Variants in GADL1 observed in about 807,000 individuals in gnomAD.
GADL1 encodes acidic amino acid decarboxylase GADL1.
GADL1 carries 71 observed loss-of-function variants against 69.5 expected under a neutral mutation model. The ratio of observed to expected loss-of-function variants is 1.02; its 90% CI spans 0.84 to 1.25. The LOEUF (loss-of-function observed/expected upper bound fraction) is 1.25. Ranked by LOEUF, GADL1 falls within the 50% of genes most tolerant of loss-of-function variation. The pLI is 0.00. For missense variants in GADL1, 737 were observed against 631.8 expected (o/e 1.17, Z -1.79); for synonymous variants, 254 against 214.4 (o/e 1.18, Z -1.62).
intron 1 of GADL1, among the ~76,000 whole-genome samples, chr3:30,893,796 A>G (rs1208530974): frequency 6.6e-6 from 1 of 152,162 alleles, no homozygotes; most frequent in Non-Finnish European, 1.5e-5. Context: ...CAGCTGAGTT[A>G]CCTGACCTAC....
intron 14 of GADL1, among the ~76,000 whole-genome samples, chr3:30,772,866 ACT>A (rs1036505603): frequency 7.9e-5 from 12 of 152,124 alleles, no homozygotes; most frequent in African/African-American, 1.4e-4. Flanking sequence ...ACAGAGTGAG[ACT>A]CTGTCTTAAC....
chr3:30,833,521 T>C (rs1188279900), intron 11 of GADL1, among the ~76,000 whole-genome samples: 1 of 151,998 alleles, frequency 6.6e-6, no homozygotes, highest in Non-Finnish European at 1.5e-5. Flanking sequence ...ATAACTTAAA[T>C]CCCAGACTTA....
intron 11 of GADL1, among the ~76,000 whole-genome samples, chr3:30,832,459 T>A (rs934645070): frequency 6.6e-6 from 1 of 151,932 alleles, no homozygotes; most frequent in East Asian, 1.9e-4. Context: ...ATAAGAAAAG[T>A]ATATGAAAGC....
intron 12 of GADL1, 108 bp from the exon 13 acceptor site, chr3:30,786,514 A>G: frequency 1.5e-6 from 1 of 686,634 alleles, no homozygotes; most frequent in Admixed American, 2.3e-5. Context: ...TAAGAAAGAT[A>G]CAGATAAAGG....
chr3:30,860,333 C>T (rs1282139572), intron 2 of GADL1, among the ~76,000 whole-genome samples: 1 of 151,744 alleles, frequency 6.6e-6, no homozygotes, highest in East Asian at 1.9e-4. Flanking sequence ...TCTTTATATT[C>T]TCTAGGGCTG....
intron 11 of GADL1, among the ~76,000 whole-genome samples, chr3:30,830,460 G>A (rs1264688174): frequency 1.3e-5 from 2 of 151,898 alleles, no homozygotes; most frequent in Non-Finnish European, 2.9e-5. Context: ...GAAAAGAGAT[G>A]ACTTTTTCTT....
intron 12 of GADL1, chr3:30,797,854 T>C (rs1192730168): frequency 6.6e-6 from 1 of 152,118 alleles, no homozygotes; most frequent in Non-Finnish European, 1.5e-5. Context: ...ATTGAAATGT[T>C]TGAATGTTTA....
chr3:30,733,613 C>T lies in GADL1; in HGVS notation c.1393-5198G>A, dbSNP rs1304252672. Among the ~76,000 whole-genome samples the T allele has an allele frequency of 2.7e-5, 4 of 150,546 alleles. No individual in the cohort carries two copies. In the South Asian group the frequency reaches 8.5e-4, roughly 32 times the overall value. ...CCTTCCTTCCTTCCTTCCTTCCTTC[C>T]TTCCTTCCTTCCTTCCTTCCTTCCT... On this transcript the variant is annotated intron_variant, in intron 14 of 14. Coordinates refer to ENST00000282538, the MANE Select transcript of GADL1 (RefSeq NM_207359.3).
At position 30,800,938 on chromosome 3, in the gene GADL1, C is replaced by T; in HGVS notation, c.1201G>A (p.Gly401Ser). ...ACTCTTTCTTCAAGGCCTAATGTAC[C>T]CAGGGCCTTCCAGGTCATCCAGAAC... Reference protein sequence around the residue: ...FKFWMTWKALGTLGLEERVNR... With the variant: ...FKFWMTWKALSTLGLEERVNR... Residue 401 changes from glycine to serine, a missense_variant, in exon 12 of 15, where the codon GGT becomes AGT. Coordinates refer to ENST00000282538, the MANE Select transcript of GADL1 (RefSeq NM_207359.3). The T allele has an allele frequency of 6.2e-7, 1 of 1,612,206 alleles. No individual in the cohort carries two copies. The highest frequency in any genetic ancestry group is 8.5e-7 in the Non-Finnish European group (1 of 1,179,662).
chr3:30,851,390 A>AGACT (rs1698144695), intron 4 of GADL1, among the ~76,000 whole-genome samples: 1 of 152,130 alleles, frequency 6.6e-6, no homozygotes, highest in African/African-American at 2.4e-5. Context: ...TTCTAAGTGG[A>AGACT]GACTACTCCA....
intron 14 of GADL1, among the ~76,000 whole-genome samples, chr3:30,769,180 A>G (rs1433425174): frequency 3.9e-5 from 6 of 152,166 alleles, no homozygotes; most frequent in African/African-American, 1.4e-4. Context: ...TCACTCAGTC[A>G]TTATTACAGC....
intron 14 of GADL1, among the ~76,000 whole-genome samples, chr3:30,749,274 C>T (rs995120113): frequency 1.3e-5 from 2 of 152,132 alleles, no homozygotes; most frequent in African/African-American, 4.8e-5. Context: ...TTAGGTGAAG[C>T]AGAAAAGGTT....
Position 30,844,832 on chromosome 3 carries a change from G to A in GADL1, c.652-366C>T, listed in dbSNP as rs563984177. 2.6e-5 allele frequency among the ~76,000 whole-genome samples: 4 copies of A among 152,272 alleles called. No homozygotes were observed. In the South Asian group the frequency reaches 8.3e-4, roughly 32 times the overall value. On this transcript the variant is annotated intron_variant, in intron 6 of 14. Coordinates refer to ENST00000282538, the MANE Select transcript of GADL1 (RefSeq NM_207359.3). ...ATGTAGAGGGCTTAGCACAGAGCCTGGCACATGGAACAAACTAGGACACCG... is the reference window on the plus strand; with the variant it reads ...ATGTAGAGGGCTTAGCACAGAGCCTAGCACATGGAACAAACTAGGACACCG...
At chr3:30,851,224 C>T (rs1010286044) in intron 4 of GADL1, among the ~76,000 whole-genome samples, 8 of 152,174 alleles carry the variant, frequency 5.3e-5, no homozygotes, top group African/African-American at 9.6e-5. Context: ...AATGCATTTG[C>T]GTGCTATGTA....
intron 12 of GADL1, among the ~76,000 whole-genome samples, chr3:30,794,373 G>C (rs1696985126): frequency 1.3e-5 from 2 of 152,096 alleles, no homozygotes; most frequent in Non-Finnish European, 2.9e-5. Flanking sequence ...CATTTAACCT[G>C]AATGCCATAA....
intron 14 of GADL1, among the ~76,000 whole-genome samples, chr3:30,765,545 C>T (rs992602999): frequency 6.6e-6 from 1 of 152,290 alleles, no homozygotes; most frequent in South Asian, 2.1e-4. Context: ...ACATTCAGTA[C>T]CAGGGCTTGC....
intron 3 of GADL1, among the ~76,000 whole-genome samples, chr3:30,855,758 C>A (rs184547401): frequency 7.6e-4 from 115 of 152,050 alleles, no homozygotes; most frequent in African/African-American, 2.4e-3. Flanking sequence ...TCTATTTCTA[C>A]ATTTGAGTAT....
intron 11 of GADL1, among the ~76,000 whole-genome samples, chr3:30,805,221 A>C (rs972158996): frequency 6.6e-6 from 1 of 152,198 alleles, no homozygotes; most frequent in Admixed American, 6.5e-5. Flanking sequence ...GCAACACAGC[A>C]AGTTAATTAC....
intron 9 of GADL1, among the ~76,000 whole-genome samples, chr3:30,838,079 G>T (rs1697902204): frequency 6.6e-6 from 1 of 151,974 alleles, no homozygotes. Flanking sequence ...AATTATGTGG[G>T]TATATCCCCC....
Sources: allele counts gnomAD v4.1 joint callset (sites outside exome capture counted in the v4.1 genomes callset), GRCh38; gene constraint gnomAD v4.1.1; transcripts MANE v1.5; gene names NCBI Gene and HGNC (gene_info 2026-07-23, HGNC 2026-07-21).